HDAC9: variants seen among roughly 807,000 people sequenced by gnomAD.
HDAC9 encodes the protein MEF-2 interacting transcription repressor (MITR) protein.
A neutral mutation model predicts 139.4 loss-of-function variants in HDAC9; 41 were observed. The observed-to-expected ratio is 0.29, with a 90% CI of 0.23 to 0.38. HDAC9 has a LOEUF of 0.38. Ranked by LOEUF, HDAC9 falls within the 10% of genes least tolerant of loss-of-function variation. The pLI, the probability that HDAC9 is intolerant of heterozygous loss-of-function variation, is 1.00. For missense variants in HDAC9, 1,147 were observed against 1,297.0 expected, an observed-to-expected ratio of 0.88 and a Z score of 1.78; for synonymous variants, 517 against 476.2, an observed-to-expected ratio of 1.09 and a Z score of -1.12.
chr7:18,425,885 C>T (rs1790070926), intron 1 of HDAC9, among the ~76,000 whole-genome samples: 1 of 152,054 alleles, frequency 6.6e-6, no homozygotes, highest in South Asian at 2.1e-4. Context: ...GAAATTATAC[C>T]CCTTGTGATC....
At chr7:18,885,466 AT>A (rs1320668843) in intron 22 of HDAC9, among the ~76,000 whole-genome samples, 4 of 152,152 alleles carry the variant, frequency 2.6e-5, no homozygotes, top group African/African-American at 9.7e-5. Context: ...TATTAATATC[AT>A]TTTTTAAGAT....
At chr7:18,137,174 A>C (rs1419167590) in intron 1 of HDAC9, among the ~76,000 whole-genome samples, 1 of 135,564 alleles carries the variant, frequency 7.4e-6, no homozygotes. Flanking sequence ...GACTTTGCTG[A>C]AGTTGCTTAT....
intron 17 of HDAC9, among the ~76,000 whole-genome samples, chr7:18,800,276 G>A (rs972796547): frequency 5.3e-5 from 8 of 152,072 alleles, no homozygotes; most frequent in Admixed American, 4.6e-4. Flanking sequence ...AACTTTATAA[G>A]AGGTCTTGAC....
At chr7:18,494,899 C>T (rs1796672233), upstream of HDAC9, among the ~76,000 whole-genome samples, 1 of 151,948 alleles carries the variant, frequency 6.6e-6, no homozygotes. Flanking sequence ...TTGAATTTAG[C>T]CTGAGAGGCT....
intron 1 of HDAC9, among the ~76,000 whole-genome samples, chr7:18,328,525 T>C (rs1269574880): frequency 6.6e-6 from 1 of 151,938 alleles, no homozygotes; most frequent in Admixed American, 6.6e-5. Context: ...TGAAAGTCAC[T>C]TTATAGGGAA....
At chr7:18,155,231 G>T (rs988075867) in intron 1 of HDAC9, among the ~76,000 whole-genome samples, 4 of 151,990 alleles carry the variant, frequency 2.6e-5, no homozygotes, top group African/African-American at 9.7e-5. Context: ...CCAAGGAGGG[G>T]AGTTGCAGAT....
intron 16 of HDAC9, among the ~76,000 whole-genome samples, chr7:18,777,642 A>C (rs1790891409): frequency 6.6e-6 from 1 of 152,050 alleles, no homozygotes; most frequent in Non-Finnish European, 1.5e-5. Context: ...TATTAAATGA[A>C]TAGAATCAAG....
At chr7:18,623,002 G>A (rs903416932) in intron 6 of HDAC9, among the ~76,000 whole-genome samples, 1 of 151,924 alleles carries the variant, frequency 6.6e-6, no homozygotes, top group African/African-American at 2.4e-5. Context: ...AAATTAGCTG[G>A]GTTTGGTGGC....
intron 1 of HDAC9, among the ~76,000 whole-genome samples, chr7:18,407,118 G>A (rs17169602): frequency 0.062 from 9,378 of 151,992 alleles, 606 homozygotes; most frequent in East Asian, 0.18. Context: ...CTAAACTTCC[G>A]AAGTCTAAGG....
intron 1 of HDAC9, among the ~76,000 whole-genome samples, chr7:18,466,272 G>C (rs923301117): frequency 1.3e-5 from 2 of 151,962 alleles, no homozygotes; most frequent in African/African-American, 4.8e-5. Context: ...TTTCAGCTCA[G>C]TGCAACCTCT....
chr7:18,349,775 T>G (rs776338486), intron 1 of HDAC9, among the ~76,000 whole-genome samples: 5 of 152,104 alleles, frequency 3.3e-5, no homozygotes, highest in Non-Finnish European at 7.4e-5. Flanking sequence ...AGAAAAAATA[T>G]GTCTTTCTAT....
At chr7:18,720,188 G>A (rs1359999473) in intron 12 of HDAC9, among the ~76,000 whole-genome samples, 1 of 151,926 alleles carries the variant, frequency 6.6e-6, no homozygotes, top group African/African-American at 2.4e-5. Flanking sequence ...TATAATTTAT[G>A]TTCTTTCTTA....
At chr7:18,402,591 G>T (rs986971112) in intron 1 of HDAC9, among the ~76,000 whole-genome samples, 47 of 152,312 alleles carry the variant, frequency 3.1e-4, no homozygotes, top group African/African-American at 1.1e-3. Context: ...CTTTTATCAT[G>T]AATGTATCGG....
At chr7:18,836,032 G>A in intron 21 of HDAC9, 35 bp downstream of exon 21, 3 of 1,211,144 alleles carry the variant, frequency 2.5e-6, no homozygotes, top group Non-Finnish European at 3.5e-6. Context: ...GTGGCAAATT[G>A]GAAAATAAAT....
At chr7:18,509,492 T>C in intron 2 of HDAC9, 1 of 968,566 alleles carries the variant, frequency 1.0e-6, no homozygotes, top group Non-Finnish European at 1.2e-6. Flanking sequence ...TCTCATTCAA[T>C]CAGTATTTAT....
At chr7:18,662,591 A>C (rs1321871005) in intron 11 of HDAC9, among the ~76,000 whole-genome samples, 1 of 151,992 alleles carries the variant, frequency 6.6e-6, no homozygotes, top group Non-Finnish European at 1.5e-5. Context: ...CAGACATTTC[A>C]CTCATTGCAA....
intron 1 of HDAC9, among the ~76,000 whole-genome samples, chr7:18,353,353 A>G (rs887105760): frequency 6.6e-6 from 1 of 152,114 alleles, no homozygotes; most frequent in Admixed American, 6.6e-5. Flanking sequence ...TCATAACTCC[A>G]TGTGTCACAA....
intron 21 of HDAC9, among the ~76,000 whole-genome samples, chr7:18,848,664 T>A (rs970220666): frequency 6.6e-6 from 1 of 151,902 alleles, no homozygotes; most frequent in Admixed American, 6.6e-5. Context: ...ACTCACCTGG[T>A]GGTATTTCTT....
chr7:18,747,495 T>G (rs1788080746), intron 13 of HDAC9, among the ~76,000 whole-genome samples: 1 of 152,192 alleles, frequency 6.6e-6, no homozygotes, highest in African/African-American at 2.4e-5. Flanking sequence ...TGGCAGATCT[T>G]GATGTCTTTT....
Sources: allele counts gnomAD v4.1 joint callset (sites outside exome capture counted in the v4.1 genomes callset), GRCh38; gene constraint gnomAD v4.1.1; transcripts MANE v1.5; gene names NCBI Gene and HGNC (gene_info 2026-07-23, HGNC 2026-07-21).